SORCS2: variants seen among roughly 807,000 people sequenced by gnomAD.
The protein encoded by SORCS2 is VPS10 domain-containing receptor SorCS2.
SORCS2 carries 100 observed loss-of-function variants against 141.6 expected under a neutral mutation model. The observed-to-expected ratio is 0.71, with a 90% confidence interval of 0.60 to 0.83. The LOEUF is 0.83. SORCS2 is among the 40% of genes least tolerant of loss of function. SORCS2 has a pLI of 0.00. For synonymous variants in SORCS2, 789 were observed against 676.9 expected, an observed-to-expected ratio of 1.17 and a Z score of -2.57; for missense variants, 1,646 against 1,560.2, an observed-to-expected ratio of 1.05 and a Z score of -0.93.
At chr4:7,525,884 T>TCCTCAGTCCCCTGTCC (rs1733653788) in intron 2 of SORCS2, among the ~76,000 whole-genome samples, 2 of 114,560 alleles carry the variant, frequency 1.7e-5, no homozygotes, top group African/African-American at 7.6e-5. Context: ...ACCTGTCCCC[T>TCCTCAGTCCCCTGTCC]CCTCAGTCAC....
At chr4:7,388,852 G>A (rs1291320168) in intron 1 of SORCS2, among the ~76,000 whole-genome samples, 1 of 152,148 alleles carries the variant, frequency 6.6e-6, no homozygotes, top group Non-Finnish European at 1.5e-5. Context: ...GATCCCCCCA[G>A]GCCCTGCTGG....
rs1038283266 is a variant in SORCS2 at position 7,648,054 on chromosome 4, C to G, written c.814-6080C>G. 6.6e-6 allele frequency among the ~76,000 whole-genome samples: 1 copy of G among 151,892 alleles called. No individual in the cohort carries two copies. The highest frequency in any genetic ancestry group is 2.4e-5 in the African/African-American group (1 of 41,358). On this transcript the variant is annotated intron_variant, in intron 4 of 26. Coordinates refer to ENST00000507866, the MANE Select transcript of SORCS2 (RefSeq NM_020777.3). The surrounding 1 kb of genome is among the most constrained non-coding windows in gnomAD (Gnocchi z 4.2). The stretch of plus-strand genomic sequence containing the variant: ...AGGTGGAGTGGGGAAGTGGGGTGGC[C>G]TGAGATGGAATGGGGTGCCGGCCCC...
chr4:7,523,639 C>T (rs1733479602), intron 2 of SORCS2, among the ~76,000 whole-genome samples: 1 of 152,132 alleles, frequency 6.6e-6, no homozygotes. Context: ...GGGGCAGCAA[C>T]TGAATGGGCC....
chr4:7,475,240 C>T (rs912715515), intron 2 of SORCS2, among the ~76,000 whole-genome samples: 9 of 152,162 alleles, frequency 5.9e-5, no homozygotes, highest in African/African-American at 2.2e-4. Context: ...AAGTCCCAGG[C>T]AGGAAGGAAG....
rs543048314 is a variant in SORCS2, at chr4:7,457,133, C to T, written c.548+60778C>T. 1.1e-4 allele frequency among the ~76,000 whole-genome samples: 16 copies of T among 152,260 alleles called. No individual in the cohort carries two copies. The South Asian group carries it at 2.5e-3, about 24-fold the overall frequency. On this transcript the variant is annotated intron_variant, in intron 2 of 26. Coordinates refer to ENST00000507866, the MANE Select transcript of SORCS2 (RefSeq NM_020777.3). Reference sequence around the variant, plus strand: ...TGTTGATTGACTGACATCAGTCAACCAGAGTGAACAGCACACGACAGCCCC... The same window carrying T: ...TGTTGATTGACTGACATCAGTCAACTAGAGTGAACAGCACACGACAGCCCC...
At chr4:7,697,316 A>T (rs759644955) in intron 12 of SORCS2, 42 bp downstream of exon 12, 16 of 1,505,762 alleles carry the variant, frequency 1.1e-5, no homozygotes, top group Admixed American at 1.9e-5. Context: ...CACCCCATCC[A>T]GCCGGGACCC....
chr4:7,528,166 A>G (rs1264724335), intron 2 of SORCS2, among the ~76,000 whole-genome samples: 5 of 152,116 alleles, frequency 3.3e-5, no homozygotes, highest in Non-Finnish European at 7.4e-5. Context: ...CACAGCAGGT[A>G]CTCAGTATGC....
intron 1 of SORCS2, among the ~76,000 whole-genome samples, chr4:7,240,651 G>T (rs957643998): frequency 8.5e-5 from 13 of 152,136 alleles, no homozygotes; most frequent in African/African-American, 2.7e-4. Flanking sequence ...CATGTTGAAG[G>T]GCTGTCTTTG....
At chr4:7,454,189 G>T (rs1728698920) in intron 2 of SORCS2, among the ~76,000 whole-genome samples, 1 of 138,544 alleles carries the variant, frequency 7.2e-6, no homozygotes, top group Admixed American at 7.3e-5. Flanking sequence ...GCTGTGTTGG[G>T]GTCAGGTGCT....
chr4:7,504,964 A>G (rs1299155994), intron 2 of SORCS2, among the ~76,000 whole-genome samples: 1 of 152,176 alleles, frequency 6.6e-6, no homozygotes, highest in Non-Finnish European at 1.5e-5. Context: ...CTTGAACTGG[A>G]AAAAGTCCAC....
chr4:7,483,123 A>G (rs1730755134), intron 2 of SORCS2, among the ~76,000 whole-genome samples: 1 of 152,074 alleles, frequency 6.6e-6, no homozygotes, highest in South Asian at 2.1e-4. Context: ...GATCGAGACC[A>G]TCCTGGCTAA....
In SORCS2 at chr4:7,742,826, G is replaced by A. The variant is rs1712769240; in HGVS notation, c.*2562G>A. 6.6e-6 allele frequency: 1 copy of A among 152,604 alleles called. No individual in the cohort carries two copies. The highest frequency in any genetic ancestry group is 1.5e-5 in the Non-Finnish European group (1 of 68,052). The allele number at this position is 152,604 out of a possible 1,614,324, so 9.5% of individuals were successfully genotyped here. Reference sequence around the variant, plus strand: ...AACAAAGATTAAATGAATTTGATCAGCTTTTGCCTTATTGTGAAGATACTT... The same window carrying A: ...AACAAAGATTAAATGAATTTGATCAACTTTTGCCTTATTGTGAAGATACTT... On this transcript the variant is annotated 3_prime_UTR_variant, in exon 27 of 27. Coordinates refer to ENST00000507866, the MANE Select transcript of SORCS2 (RefSeq NM_020777.3).
intron 20 of SORCS2, 92 bp from the exon 21 acceptor site, chr4:7,726,688 A>G (rs1009357914): frequency 1.2e-5 from 18 of 1,510,184 alleles, no homozygotes; most frequent in Middle Eastern, 1.9e-4. Context: ...GGGGACAGCA[A>G]TGCTCTCAGT....
chr4:7,383,015 CCTT>C (rs1723083134), intron 1 of SORCS2, among the ~76,000 whole-genome samples: 1 of 152,092 alleles, frequency 6.6e-6, no homozygotes, highest in African/African-American at 2.4e-5. Context: ...ATAAAATACA[CCTT>C]CTGATATTTT....
Position 7,256,113 on chromosome 4 carries a change from C to T in SORCS2, c.480+62987C>T, listed in dbSNP as rs184837859. Among the ~76,000 whole-genome samples the T allele has an allele frequency of 1.8e-4, 27 of 152,280 alleles. No homozygotes were observed. In the East Asian group the frequency reaches 3.5e-3, roughly 20 times the overall value. On this transcript the variant is annotated intron_variant, in intron 1 of 26. Coordinates refer to ENST00000507866, the MANE Select transcript of SORCS2 (RefSeq NM_020777.3). ...CTCACTTGCCTAGGGTCTACAAACT[C>T]GGACCTCTTCAGGTGCCAGGAGGCC...
chr4:7,542,839 G>A (rs929850213), intron 3 of SORCS2, among the ~76,000 whole-genome samples: 1 of 152,260 alleles, frequency 6.6e-6, no homozygotes, highest in South Asian at 2.1e-4. Flanking sequence ...TGGGGATCCA[G>A]GTTCCCACCT....
intron 4 of SORCS2, among the ~76,000 whole-genome samples, chr4:7,645,935 G>A (rs757497310): frequency 2.4e-4 from 36 of 152,194 alleles, no homozygotes; most frequent in Non-Finnish European, 4.7e-4. Context: ...GTGGTGAGTG[G>A]TTGCTACAGA....
chr4:7,194,603 C>T (rs941806283), intron 1 of SORCS2, among the ~76,000 whole-genome samples: 1 of 152,100 alleles, frequency 6.6e-6, no homozygotes, highest in Non-Finnish European at 1.5e-5. Flanking sequence ...TGCAGTGGGC[C>T]AGCAGGGGGC....
chr4:7,402,400 C>A (rs4689728), intron 2 of SORCS2, among the ~76,000 whole-genome samples: 94,314 of 152,126 alleles, frequency 0.62, 29,467 homozygotes, highest in Middle Eastern at 0.68. Context: ...ATGTATGTCT[C>A]CCTGCAATCA....
Sources: allele counts gnomAD v4.1 joint callset (sites outside exome capture counted in the v4.1 genomes callset), GRCh38; gene constraint gnomAD v4.1.1; non-coding constraint Gnocchi (gnomAD v3.1); transcripts MANE v1.5; gene names NCBI Gene and HGNC (gene_info 2026-07-23, HGNC 2026-07-21).